CR1: variants seen among roughly 807,000 people sequenced by gnomAD.
The protein encoded by CR1 is complement receptor type 1.
A neutral mutation model predicts 187.3 loss-of-function variants in CR1; 116 were observed. That is an observed-to-expected ratio of 0.62 (90% CI 0.53 to 0.72). The LOEUF is 0.72. Ranked by LOEUF, CR1 falls within the 30% of genes least tolerant of loss-of-function variation. The probability of loss-of-function intolerance (pLI) is 0.00; values close to 1 mark genes in which losing one functional copy is unlikely to be tolerated. For missense variants in CR1, 1,731 were observed against 2,110.7 expected, an observed-to-expected ratio of 0.82 and a Z score of 3.52; for synonymous variants, 576 against 747.1, an observed-to-expected ratio of 0.77 and a Z score of 3.73.
intron 45 of CR1, 34 bp downstream of exon 45, chr1:207,623,102 A>G: frequency 1.4e-6 from 2 of 1,422,288 alleles, no homozygotes; most frequent in Middle Eastern, 1.8e-4. Context: ...AGAAATGTAA[A>G]CTGTACTTAC....
chr1:207,504,478 T>C (rs1237771060), intron 1 of CR1, among the ~76,000 whole-genome samples: 1 of 147,160 alleles, frequency 6.8e-6, no homozygotes, highest in Non-Finnish European at 1.5e-5. Flanking sequence ...AAATGTACAA[T>C]AAATAAAATA....
At chr1:207,591,903 C>T (rs1661282993) in intron 35 of CR1, among the ~76,000 whole-genome samples, 1 of 151,962 alleles carries the variant, frequency 6.6e-6, no homozygotes. Flanking sequence ...AGGAAGAAGT[C>T]GAATCCCTGA....
chr1:207,515,066 C>CATATATACTTATAT (rs1659749194), intron 4 of CR1, among the ~76,000 whole-genome samples: 3 of 140,346 alleles, frequency 2.1e-5, no homozygotes, highest in Non-Finnish European at 3.1e-5. Context: ...TGTATATATA[C>CATATATACTTATAT]GTATATACGT....
chr1:207,574,976 C>T (rs770318353), intron 27 of CR1, among the ~76,000 whole-genome samples: 11 of 152,030 alleles, frequency 7.2e-5, no homozygotes, highest in Non-Finnish European at 1.5e-4. Context: ...ATTTTTGGGT[C>T]AGGTCATTTT....
At chr1:207,634,694 G>A (rs550162982) in intron 46 of CR1, among the ~76,000 whole-genome samples, 22 of 152,118 alleles carry the variant, frequency 1.4e-4, no homozygotes, top group African/African-American at 5.1e-4. Context: ...AAAAGGAGAC[G>A]CTTCAGCACG....
intron 46 of CR1, among the ~76,000 whole-genome samples, chr1:207,632,310 A>C (rs1360865492): frequency 6.6e-6 from 1 of 152,244 alleles, no homozygotes; most frequent in African/African-American, 2.4e-5. Context: ...ACTGGGGGAT[A>C]CATGGCTAAT....
chr1:207,509,397 C>T (rs1036799082), intron 3 of CR1, among the ~76,000 whole-genome samples: 1 of 152,132 alleles, frequency 6.6e-6, no homozygotes, highest in Admixed American at 6.6e-5. Context: ...TATGAGACTC[C>T]CTGGCTCCCC....
chr1:207,638,064 G>A (rs531286534), intron 46 of CR1, among the ~76,000 whole-genome samples: 1 of 152,300 alleles, frequency 6.6e-6, no homozygotes, highest in South Asian at 2.1e-4. Flanking sequence ...TTAAAGTATA[G>A]AGTGCTAGAT....
intron 46 of CR1, 96 bp downstream of exon 46, chr1:207,630,717 T>C: frequency 4.2e-6 from 3 of 712,540 alleles, no homozygotes; most frequent in East Asian, 6.4e-5. Flanking sequence ...AGGTAGGTCA[T>C]TGATACCAAA....
chr1:207,623,000 A>T lies in CR1; in HGVS notation c.7284A>T (p.Leu2428Phe), dbSNP rs1210686232. The change falls in exon 45 of 47, where the codon TTA becomes TTT. Residue 2428 changes from leucine to phenylalanine, a missense_variant. This residue lies in a region of CR1 where 1,312 missense variants were observed against 1,379.6 expected (regional missense o/e 0.95). Transcript: ENST00000367049. ...RTHDALIVGT[L>F]SGTIFFILLI... ...CCTTGTTTTACTGCCTAGGCACTTT[A>T]TCTGGTACGATCTTCTTTATTTTAC... The T allele has an allele frequency of 8.3e-6, 13 of 1,571,836 alleles. No homozygotes were observed. Among genetic ancestry groups the T allele is most frequent in the Non-Finnish European group, 1.0e-5 (12 of 1,155,410 alleles).
intron 45 of CR1, among the ~76,000 whole-genome samples, chr1:207,627,015 G>A (rs1316362026): frequency 6.6e-6 from 1 of 151,938 alleles, no homozygotes; most frequent in South Asian, 2.1e-4. Flanking sequence ...TCCAGCCTGG[G>A]CAACAAAGGC....
chr1:207,592,736 C>A (rs191555066), intron 35 of CR1, among the ~76,000 whole-genome samples: 97 of 152,276 alleles, frequency 6.4e-4, no homozygotes, highest in African/African-American at 2.1e-3. Context: ...TGATAAGCAA[C>A]TTCAGCAAAG....
intron 1 of CR1, among the ~76,000 whole-genome samples, chr1:207,501,212 T>C (rs1458766811): frequency 1.3e-5 from 2 of 152,186 alleles, no homozygotes; most frequent in Non-Finnish European, 2.9e-5. Context: ...AGAAAACACA[T>C]TGAAGGTTGC....
intron 35 of CR1, among the ~76,000 whole-genome samples, chr1:207,596,752 C>T (rs372838135): frequency 1.1e-4 from 17 of 148,084 alleles, no homozygotes; most frequent in South Asian, 4.2e-4. Flanking sequence ...ATTGCAAGTA[C>T]GGTACAAAGC....
chr1:207,637,517 G>C (rs1038950308), intron 46 of CR1, among the ~76,000 whole-genome samples: 2 of 152,226 alleles, frequency 1.3e-5, no homozygotes, highest in African/African-American at 4.8e-5. Flanking sequence ...CGTGGCCTGA[G>C]TGACATCCCG....
chr1:207,581,225 T>C (rs1267507655), intron 31 of CR1, among the ~76,000 whole-genome samples: 5 of 146,058 alleles, frequency 3.4e-5, no homozygotes, highest in African/African-American at 1.3e-4. Context: ...TATGGACACG[T>C]ATATGTAGAC....
At chr1:207,521,624 C>CTTT (rs139203101) in intron 4 of CR1, among the ~76,000 whole-genome samples, 957 of 88,300 alleles carry the variant, frequency 0.011, 79 homozygotes, top group Non-Finnish European at 0.017. Context: ...TGCCCTCTTC[C>CTTT]TTTTTTTTTT....
Position 207,582,003 on chromosome 1 carries a change from C to T in CR1, c.5302C>T (p.His1768Tyr), listed in dbSNP as rs201880876. The part of the protein sequence containing the change: ...LWNNSVPVCE[H>Y]IFCPNPPAIL... ...GAATAACAGTGTTCCTGTGTGTGAA[C>T]GTGAGTAGATGGAATACTTGTTCAG... is the stretch of plus-strand genomic sequence containing the variant. The change falls in exon 32 of 47, where the codon CAT (histidine) becomes TAT (tyrosine). Residue 1768 changes from histidine (H) to tyrosine (Y), a missense_variant and splice_region_variant. Around this residue, in one of 5 missense-constraint regions of CR1, gnomAD observed 1,312 missense variants for 1,379.6 expected, o/e 0.95. Coordinates refer to ENST00000367049, the MANE Select transcript of CR1 (RefSeq NM_000651.6). The T allele has an allele frequency of 8.7e-4, 1,403 of 1,603,868 alleles. 24 individuals carry two copies. The South Asian group carries it at 0.014, about 16-fold the overall frequency.
At chr1:207,616,136 T>A (rs1271080622) in intron 40 of CR1, among the ~76,000 whole-genome samples, 3 of 152,114 alleles carry the variant, frequency 2.0e-5, no homozygotes, top group Non-Finnish European at 4.4e-5. Flanking sequence ...CAAGAAACAT[T>A]TACATTGCTA....
Sources: gnomAD v4.1 joint callset for allele counts (sites outside exome capture counted in the v4.1 genomes callset) on GRCh38, gnomAD v4.1.1 for gene constraint, gnomAD v4.1.1 regional missense constraint, MANE v1.5 for transcripts, NCBI Gene and HGNC (gene_info 2026-07-23, HGNC 2026-07-21) for gene names.